The following PHF21A variants were observed in gnomAD, a reference collection of about 807,000 sequenced individuals.
PHF21A encodes BHC80a.
Under a neutral mutation model 82.5 loss-of-function variants are expected in PHF21A, and 11 were observed. The ratio of observed to expected loss-of-function variants is 0.13; its 90% CI spans 0.08 to 0.22. The LOEUF (loss-of-function observed/expected upper bound fraction) is 0.22. Among genes scored for constraint, PHF21A ranks in the 10% least tolerant of loss-of-function variants. PHF21A has a pLI of 1.00. For synonymous variants in PHF21A, 297 were observed against 302.8 expected (o/e 0.98, Z 0.20); for missense variants, 579 against 837.8 (o/e 0.69, Z 3.81).
intron 2 of PHF21A, among the ~76,000 whole-genome samples, chr11:46,091,880 A>G (rs2096929043): frequency 6.6e-6 from 1 of 152,174 alleles, no homozygotes; most frequent in Non-Finnish European, 1.5e-5. Flanking sequence ...GAATTTCTTG[A>G]CGTTTGAATT....
chr11:46,029,793 G>A (rs765324306), intron 6 of PHF21A, among the ~76,000 whole-genome samples: 19 of 152,080 alleles, frequency 1.2e-4, no homozygotes, highest in African/African-American at 3.9e-4. Context: ...ACAAATGTCC[G>A]TTAGAGTGCT....
At chr11:45,940,072 T>C (rs2090050449) in intron 15 of PHF21A, among the ~76,000 whole-genome samples, 1 of 152,210 alleles carries the variant, frequency 6.6e-6, no homozygotes, top group African/African-American at 2.4e-5. Flanking sequence ...GAACACATCG[T>C]CATGGACCTA....
In PHF21A at chr11:45,934,280, G is replaced by A. The variant is rs2134961224; in HGVS notation, c.1789-55C>T. On this transcript the variant is annotated intron_variant, in intron 18 of 18. Coordinates refer to ENST00000676320, the MANE Select transcript of PHF21A (RefSeq NM_001352027.3). ...GAGCCGCCTGGTTTCTAACAGGCCT[G>A]GCAGCCCCTAAGAGCAGAGCGCCTT... is the stretch of plus-strand genomic sequence containing the variant. 3.2e-6 allele frequency: 5 copies of A among 1,561,080 alleles called. No individual in the cohort carries two copies. The South Asian group carries it at 3.5e-5, about 11-fold the overall frequency.
At chr11:46,052,131 T>C (rs537678035) in intron 6 of PHF21A, among the ~76,000 whole-genome samples, 1 of 152,284 alleles carries the variant, frequency 6.6e-6, no homozygotes, top group South Asian at 2.1e-4. Context: ...GATTCAAGAA[T>C]GGACCTAAAA....
intron 1 of PHF21A, chr11:46,120,326 G>A (rs1852799964): frequency 7.8e-5 from 1 of 12,808 alleles, no homozygotes; most frequent in African/African-American, 3.8e-4. Flanking sequence ...GGATGGAGGA[G>A]CCCCAGCTAC....
At chr11:45,940,489 T>C (rs143613093) in intron 15 of PHF21A, among the ~76,000 whole-genome samples, 15 of 152,294 alleles carry the variant, frequency 9.8e-5, no homozygotes, top group African/African-American at 3.4e-4. Flanking sequence ...CCACTGCGCC[T>C]GGCAGATTTT....
chr11:45,957,293 G>C, intron 10 of PHF21A, among the ~76,000 whole-genome samples: 1 of 152,066 alleles, frequency 6.6e-6, no homozygotes, highest in East Asian at 1.9e-4. Context: ...GACCTGTCAG[G>C]CATAGAAAGA....
At chr11:46,067,770 G>A (rs2096611523) in intron 6 of PHF21A, among the ~76,000 whole-genome samples, 2 of 152,156 alleles carry the variant, frequency 1.3e-5, no homozygotes, top group South Asian at 4.1e-4. Context: ...GGGTACAAAT[G>A]TGAGCAAGAC....
intron 6 of PHF21A, among the ~76,000 whole-genome samples, chr11:46,046,695 G>A (rs977267530): frequency 5.3e-5 from 8 of 152,148 alleles, no homozygotes; most frequent in Non-Finnish European, 8.8e-5. Context: ...TGATGGCAGC[G>A]GTGAAGATCT....
intron 1 of PHF21A, among the ~76,000 whole-genome samples, chr11:46,093,765 G>C (rs1369134705): frequency 3.3e-5 from 5 of 152,250 alleles, no homozygotes. Context: ...TCTGTTGAGG[G>C]CTTATCTTCC....
intron 6 of PHF21A, among the ~76,000 whole-genome samples, chr11:45,992,360 G>A (rs1042615074): frequency 4.7e-5 from 7 of 147,692 alleles, no homozygotes; most frequent in East Asian, 2.1e-4. Context: ...GTGAAACCCC[G>A]TCTATACTAA....
At chr11:46,079,830 TGGAAAGGAAAGGAAAGGAAAGA>T (rs1391417438) in intron 4 of PHF21A, among the ~76,000 whole-genome samples, 56 of 71,016 alleles carry the variant, frequency 7.9e-4, no homozygotes, top group African/African-American at 2.1e-3. Flanking sequence ...CCCAAACAAA[TGGAAAGGAAAGGAAAGGAAAGA>T]GGAAAGGAAA....
At chr11:46,023,513 G>A (rs2095671932) in intron 6 of PHF21A, among the ~76,000 whole-genome samples, 1 of 152,184 alleles carries the variant, frequency 6.6e-6, no homozygotes, top group Admixed American at 6.5e-5. Flanking sequence ...CCTAAACTGT[G>A]TCATATGGAA....
At position 46,081,727 on chromosome 11, in the gene PHF21A, T is replaced by C. The variant is rs1017265758; in HGVS notation, c.54+2439A>G. 9.9e-5 allele frequency among the ~76,000 whole-genome samples: 15 copies of C among 152,228 alleles called. 1 individual carries two copies. Among genetic ancestry groups the C allele is most frequent in the African/African-American group, 3.6e-4 (15 of 41,456 alleles). ...CAATATTTCTTGAGGATATACTTCA[T>C]GCCAAAGGTAAGCAAAACAACCCAT... On this transcript the variant is annotated intron_variant, in intron 4 of 18. Coordinates refer to ENST00000676320, the MANE Select transcript of PHF21A (RefSeq NM_001352027.3).
chr11:46,110,138 A>T (rs1365579833), intron 1 of PHF21A, among the ~76,000 whole-genome samples: 3 of 152,192 alleles, frequency 2.0e-5, no homozygotes, highest in African/African-American at 7.2e-5. Flanking sequence ...TAAAAATTCA[A>T]TTTACATACA....
At chr11:46,112,286 TGATCAAATTATATTGTA>T (rs2097223150) in intron 1 of PHF21A, among the ~76,000 whole-genome samples, 3 of 152,222 alleles carry the variant, frequency 2.0e-5, no homozygotes, top group African/African-American at 7.2e-5. Flanking sequence ...CCTGAGCTTC[TGATCAAATTATATTGTA>T]AAAAGAGAGG....
intron 6 of PHF21A, among the ~76,000 whole-genome samples, chr11:46,074,464 G>A (rs1043731363): frequency 8.6e-5 from 13 of 151,730 alleles, no homozygotes; most frequent in South Asian, 2.1e-4. Context: ...TTGGCGGGAG[G>A]GGGGAAGGCA....
At chr11:45,990,984 C>A (rs563067641) in intron 6 of PHF21A, among the ~76,000 whole-genome samples, 1 of 152,320 alleles carries the variant, frequency 6.6e-6, no homozygotes, top group East Asian at 1.9e-4. Context: ...CACCATTATA[C>A]TATCACACAG....
rs1328987751 is a variant in PHF21A at position 45,989,548 on chromosome 11, A to G, written c.154-9582T>C. ...GCCGGGCCTGATGTTGCGCACCTGT[A>G]GTTCCAGCTACTCGGGAGGCTGAGG... On this transcript the variant is annotated intron_variant, in intron 6 of 18. Transcript: ENST00000676320. Among the ~76,000 whole-genome samples the G allele has an allele frequency of 1.7e-4, 25 of 150,724 alleles. 1 individual carries two copies. The highest frequency in any genetic ancestry group is 1.7e-3 in the Admixed American group (25 of 15,104).
Sources: gnomAD v4.1 joint callset for allele counts (sites outside exome capture counted in the v4.1 genomes callset) on GRCh38, gnomAD v4.1.1 for gene constraint, MANE v1.5 for transcripts, NCBI Gene and HGNC (gene_info 2026-07-23, HGNC 2026-07-21) for gene names.